Variants in CDT1 observed in about 807,000 individuals in gnomAD.
The protein encoded by CDT1 is DNA replication factor Cdt1.
Under a neutral mutation model 49.3 loss-of-function variants are expected in CDT1, and 66 were observed. The observed-to-expected ratio is 1.34, with a 90% CI of 1.10 to 1.64. The LOEUF (loss-of-function observed/expected upper bound fraction) is 1.64. Ranked by LOEUF, CDT1 falls within the 40% of genes most tolerant of loss-of-function variation. CDT1 has a pLI of 0.00. For missense variants in CDT1, 958 were observed against 807.7 expected (o/e 1.19, Z -2.26); for synonymous variants, 424 against 347.4 (o/e 1.22, Z -2.45).
Position 88,808,273 on chromosome 16 carries a change from C to G in CDT1, c.1636C>G (p.Leu546Val). Residue 546 changes from leucine to valine, a missense_variant, in exon 10 of 10, where the codon CTG (leucine) becomes GTG (valine). Leu to Val is a conservative substitution (Grantham distance 32). Transcript: ENST00000301019. The stretch of plus-strand genomic sequence containing the variant: ...CCACCAGACACGTGCTGAGGAGGGG[C>G]TGTGAGCCTGGGGGCCACTGTGGAC... ...LAHQTRAEEG[L>V] is the part of the protein sequence containing the mutation. The G allele has an allele frequency of 6.3e-7, 1 of 1,586,162 alleles. No homozygotes were observed. The highest frequency in any genetic ancestry group is 8.6e-7 in the Non-Finnish European group (1 of 1,166,658).
intron 1 of CDT1, 67 bp from the exon 2 acceptor site, chr16:88,804,478 G>C: frequency 6.4e-7 from 1 of 1,574,338 alleles, no homozygotes; most frequent in South Asian, 1.2e-5. Flanking sequence ...TGATCCTTCG[G>C]GGTCCTCTGC....
chr16:88,805,504 G>C lies in CDT1; in HGVS notation c.553G>C (p.Val185Leu), dbSNP rs577211739. 452 of 1,612,912 alleles carry C rather than the reference G, an allele frequency of 2.8e-4. 3 individuals carry two copies. The South Asian group carries it at 4.7e-3, about 17-fold the overall frequency. ...ALAQPGLPGL[V>L]LPYKYQVLAE... is the part of the protein sequence containing the mutation. ...GGCCCAGCCCGGCCTGCCGGGACTC[G>C]TGCTGCCCTACAAGTACCAGGTGCT... Residue 185 changes from valine to leucine, a missense_variant, in exon 4 of 10, where the codon GTG (valine) becomes CTG (leucine). By Grantham distance (32) the Val-to-Leu change is conservative. Transcript: ENST00000301019.
chr16:88,803,808 G>A lies in CDT1; in HGVS notation c.-24G>A. On this transcript the variant is annotated 5_prime_UTR_variant, in exon 1 of 10. Coordinates refer to ENST00000301019, the MANE Select transcript of CDT1 (RefSeq NM_030928.4). ...CTCTTCCTCCCTTCCTTCTTTCCTT[G>A]CTTTCGCCGCGCACTCCGCCGCCAT... 6.6e-7 allele frequency: 1 copy of A among 1,505,364 alleles called. No homozygotes were observed. Among genetic ancestry groups the A allele is most frequent in the Non-Finnish European group, 8.9e-7 (1 of 1,124,530 alleles). The allele number at this position is 1,505,364 out of a possible 1,614,324, so 93.3% of individuals were successfully genotyped here. A position where few individuals can be genotyped will look rare whatever the true frequency, so the allele number is the denominator to read the frequency against.
chr16:88,804,019 G>T lies in CDT1; in HGVS notation c.188G>T (p.Arg63Met). ...PPAAPGRDQA[R>M]PPARRRLRLS... Reference sequence around the variant, plus strand: ...GCCGCCCCCGGACGCGACCAGGCCAGGCCACCGGCCCGCAGGAGACTGCGG... The same window carrying T: ...GCCGCCCCCGGACGCGACCAGGCCATGCCACCGGCCCGCAGGAGACTGCGG... Residue 63 changes from arginine (R) to methionine (M), a missense_variant, in exon 1 of 10, where the codon AGG becomes ATG. Transcript: ENST00000301019. 2.1e-6 allele frequency: 3 copies of T among 1,463,034 alleles called. No individual in the cohort carries two copies. Among genetic ancestry groups the T allele is most frequent in the Non-Finnish European group, 2.7e-6 (3 of 1,114,306 alleles). 90.6% of individuals were successfully genotyped at this position (1,463,034 alleles called of 1,614,324 possible). A position where few individuals can be genotyped will look rare whatever the true frequency, so the allele number is the denominator to read the frequency against.
At chr16:88,805,015 G>C (rs1409248785) in intron 3 of CDT1, 117 bp downstream of exon 3, 14 of 1,373,038 alleles carry the variant, frequency 1.0e-5, no homozygotes, top group Non-Finnish European at 1.4e-5. Context: ...TGGTGGTGAG[G>C]TCACCAGGGC....
intron 9 of CDT1, among the ~76,000 whole-genome samples, 157 bp from the exon 10 acceptor site, chr16:88,807,958 G>A (rs748041315): frequency 1.3e-5 from 2 of 152,218 alleles, no homozygotes; most frequent in South Asian, 2.1e-4. Flanking sequence ...CCAGACCTGG[G>A]CCTCTGATCA....
At chr16:88,806,184 C>G (rs1291480720) in intron 6 of CDT1, 63 bp downstream of exon 6, 1 of 1,382,116 alleles carries the variant, frequency 7.2e-7, no homozygotes, top group East Asian at 2.5e-5. Context: ...AGCACCTAAC[C>G]CTGTGCTTGG....
rs762360962 is a variant in CDT1, at chr16:88,807,085, C to G, written c.1157C>G (p.Ser386Cys). The change falls in exon 8 of 10, where the codon TCT becomes TGT. Residue 386 changes from serine to cysteine, a missense_variant. Ser to Cys is a moderately radical substitution (Grantham distance 112). Coordinates refer to ENST00000301019, the MANE Select transcript of CDT1 (RefSeq NM_030928.4). ...EKALSQLALR[S>C]AAPSSPGSPR... ...GCCTTGAGTCAATTGGCCCTGCGCT[C>G]TGCTGCGCCCAGCAGCCCCGGGTCT... 2 of 1,612,888 alleles carry G rather than the reference C, an allele frequency of 1.2e-6. No homozygotes were observed. The highest frequency in any genetic ancestry group is 8.5e-7 in the Non-Finnish European group (1 of 1,179,974).
intron 4 of CDT1, 39 bp from the exon 5 acceptor site, chr16:88,805,685 C>T (rs1255419749): frequency 2.0e-5 from 32 of 1,612,404 alleles, no homozygotes; most frequent in Non-Finnish European, 2.3e-5. Context: ...TGGGGGTGGG[C>T]CCGGGCCTGC....
chr16:88,806,954 G>A, intron 7 of CDT1, 97 bp from the exon 8 acceptor site: 2 of 1,503,542 alleles, frequency 1.3e-6, no homozygotes, highest in Non-Finnish European at 1.8e-6. Flanking sequence ...TGTGCTGGGT[G>A]AACTTGTGCC....
chr16:88,808,325 C>T lies in CDT1; in HGVS notation c.*47C>T, dbSNP rs753501287. On this transcript the variant is annotated 3_prime_UTR_variant, in exon 10 of 10. Transcript: ENST00000301019. ...GACGTGGGCTTCAGAAGCTCGCTGG[C>T]CTGGGCCCACCAGCATTTTCTTTTA... The T allele has an allele frequency of 2.0e-6, 3 of 1,532,376 alleles. No homozygotes were observed. The highest frequency in any genetic ancestry group is 2.4e-5 in the East Asian group (1 of 40,956). 94.9% of individuals were successfully genotyped at this position (1,532,376 alleles called of 1,614,324 possible).
At chr16:88,807,023 T>G in intron 7 of CDT1, 28 bp from the exon 8 acceptor site, 1 of 1,612,702 alleles carries the variant, frequency 6.2e-7, no homozygotes, top group African/African-American at 1.3e-5. Context: ...TCTTGTGACC[T>G]CTCCAGTCCA....
chr16:88,805,229 G>T (rs1001019217), intron 3 of CDT1, among the ~76,000 whole-genome samples: 8 of 152,244 alleles, frequency 5.3e-5, no homozygotes, highest in African/African-American at 1.9e-4. Context: ...GAGCTGCGTG[G>T]ACACAGCAGA....
At chr16:88,805,666 T>C (rs1349001562) in intron 4 of CDT1, 29 bp downstream of exon 4, 7 of 1,612,492 alleles carry the variant, frequency 4.3e-6, no homozygotes, top group Non-Finnish European at 5.9e-6. Flanking sequence ...GCTGTGGCTG[T>C]CCTGGAGTTG....
chr16:88,808,075 G>A (rs775989666), intron 9 of CDT1, 40 bp from the exon 10 acceptor site: 3 of 1,600,906 alleles, frequency 1.9e-6, no homozygotes, highest in Non-Finnish European at 8.5e-7. Flanking sequence ...GCAGGGCTGG[G>A]GCCCAGCACC....
At position 88,807,281 on chromosome 16, in the gene CDT1, A is replaced by T; in HGVS notation, c.1276A>T (p.Ile426Phe). The T allele has an allele frequency of 1.9e-6, 3 of 1,612,052 alleles. No individual in the cohort carries two copies. Among genetic ancestry groups the T allele is most frequent in the Non-Finnish European group, 2.5e-6 (3 of 1,179,878 alleles). ...AACCAGGTCCCGGTACCTGCTGCAGATCCGAGCCAAGGAGGCACAGAAGCA... is the reference window on the plus strand; with the variant it reads ...AACCAGGTCCCGGTACCTGCTGCAGTTCCGAGCCAAGGAGGCACAGAAGCA... The part of the protein sequence containing the change: ...KGVSQDLLER[I>F]RAKEAQKQLA... The change falls in exon 9 of 10, where the codon ATC becomes TTC. Residue 426 changes from isoleucine (I) to phenylalanine (F), a missense_variant and splice_region_variant. Coordinates refer to ENST00000301019, the MANE Select transcript of CDT1 (RefSeq NM_030928.4).
Position 88,803,859 on chromosome 16 carries a change from T to C in CDT1, c.28T>C (p.Phe10Leu). 6.7e-7 allele frequency: 1 copy of C among 1,487,892 alleles called. No individual in the cohort carries two copies. The highest frequency in any genetic ancestry group is 8.9e-7 in the Non-Finnish European group (1 of 1,117,538). The allele number at this position is 1,487,892 out of a possible 1,614,324, so 92.2% of individuals were successfully genotyped here. A position where few individuals can be genotyped will look rare whatever the true frequency, so the allele number is the denominator to read the frequency against. ...GGAGCAGCGCCGCGTCACCGACTTC[T>C]TCGCGCGCCGCCGCCCCGGGCCCCC... The part of the protein sequence containing the change: MEQRRVTDF[F>L]ARRRPGPPRI... The change falls in exon 1 of 10, where the codon TTC (phenylalanine) becomes CTC (leucine). Residue 10 changes from phenylalanine (F) to leucine (L), a missense_variant. By Grantham distance (22) the Phe-to-Leu change is conservative. Coordinates refer to ENST00000301019, the MANE Select transcript of CDT1 (RefSeq NM_030928.4).
rs758746304 is a variant in CDT1, at chr16:88,806,559, A to G, written c.1007A>G (p.Asn336Ser). The change falls in exon 7 of 10, where the codon AAC becomes AGC. Residue 336 changes from asparagine to serine, a missense_variant. By Grantham distance (46) the Asn-to-Ser change is conservative. Coordinates refer to ENST00000301019, the MANE Select transcript of CDT1 (RefSeq NM_030928.4). The stretch of plus-strand genomic sequence containing the variant: ...CTGACCCGCTGGCACCCGCGCTTCA[A>G]CGTGGATGAAGTACCCGACATCGAG... Reference protein sequence around the residue: ...DQLTRWHPRFNVDEVPDIEPA... With the variant: ...DQLTRWHPRFSVDEVPDIEPA... 20 of 1,609,684 alleles carry G rather than the reference A, an allele frequency of 1.2e-5. No individual in the cohort carries two copies. The highest frequency in any genetic ancestry group is 1.7e-5 in the Non-Finnish European group (20 of 1,178,804).
rs189620919 is a variant in CDT1 at position 88,808,374 on chromosome 16, C to G, written c.*96C>G. ...TATGAACATGATACACTTTGGCCTTCCTTTCCCCAGCGCCCCTGAGGGCCA... is the reference window on the plus strand; with the variant it reads ...TATGAACATGATACACTTTGGCCTTGCTTTCCCCAGCGCCCCTGAGGGCCA... On this transcript the variant is annotated 3_prime_UTR_variant, in exon 10 of 10. Transcript: ENST00000301019. 249 of 1,396,836 alleles carry G rather than the reference C, an allele frequency of 1.8e-4. 2 individuals are homozygous for G. In the Middle Eastern group the frequency reaches 6.8e-3, roughly 38 times the overall value. 86.5% of individuals were successfully genotyped at this position (1,396,836 alleles called of 1,614,324 possible). A position where few individuals can be genotyped will look rare whatever the true frequency, so the allele number is the denominator to read the frequency against.
Sources: allele counts gnomAD v4.1 joint callset (sites outside exome capture counted in the v4.1 genomes callset), GRCh38; gene constraint gnomAD v4.1.1; transcripts MANE v1.5; gene names NCBI Gene and HGNC (gene_info 2026-07-23, HGNC 2026-07-21).